The following ARFIP1 variants were observed in gnomAD, a reference collection of about 807,000 sequenced individuals.
ARFIP1 encodes the protein ARF interacting protein 1, also known as arfaptin-1.
ARFIP1 carries 24 observed loss-of-function variants against 42.5 expected under a neutral mutation model. The observed-to-expected ratio is 0.57, with a 90% CI of 0.41 to 0.80. The LOEUF is 0.80. Among genes scored for constraint, ARFIP1 ranks in the 30% least tolerant of loss-of-function variants. The pLI is 0.00. For synonymous variants in ARFIP1, 141 were observed against 153.7 expected (o/e 0.92, Z 0.61); for missense variants, 354 against 434.0 (o/e 0.82, Z 1.64).
chr4:152,902,438 G>C (rs892216673), intron 8 of ARFIP1, among the ~76,000 whole-genome samples: 1 of 152,134 alleles, frequency 6.6e-6, no homozygotes, highest in Admixed American at 6.5e-5. Context: ...GGGGATCAAG[G>C]CTGCAGTGAG....
chr4:152,864,875 C>T (rs1457067234), intron 3 of ARFIP1, among the ~76,000 whole-genome samples: 2 of 149,426 alleles, frequency 1.3e-5, no homozygotes, highest in East Asian at 2.0e-4. Context: ...AATATTGGCT[C>T]CTTTCTTAAT....
intron 3 of ARFIP1, among the ~76,000 whole-genome samples, chr4:152,867,089 G>C (rs1229902951): frequency 1.3e-5 from 2 of 151,962 alleles, no homozygotes; most frequent in Non-Finnish European, 2.9e-5. Context: ...CTTCCCAGAC[G>C]GGGTGGCGGC....
chr4:152,864,671 A>T (rs1734172680), intron 3 of ARFIP1, among the ~76,000 whole-genome samples: 1 of 152,246 alleles, frequency 6.6e-6, no homozygotes, highest in South Asian at 2.1e-4. Context: ...GAAGGAAAGC[A>T]GGTAAGCAGC....
intron 2 of ARFIP1, among the ~76,000 whole-genome samples, chr4:152,846,284 A>T (rs1732532047): frequency 6.6e-6 from 1 of 152,170 alleles, no homozygotes; most frequent in African/African-American, 2.4e-5. Flanking sequence ...TATCAATGGT[A>T]CCCCAAACCT....
intron 1 of ARFIP1, among the ~76,000 whole-genome samples, chr4:152,825,752 C>G (rs1177920235): frequency 6.6e-6 from 1 of 152,082 alleles, no homozygotes; most frequent in Admixed American, 6.5e-5. Context: ...AACAGACAAC[C>G]TACAGAATGG....
chr4:152,888,050 C>A, intron 7 of ARFIP1, 83 bp from the exon 8 acceptor site: 1 of 1,058,800 alleles, frequency 9.4e-7, no homozygotes, highest in Non-Finnish European at 1.4e-6. Flanking sequence ...TAGTATGAGA[C>A]TGAATATTAC....
chr4:152,783,698 G>A (rs1288882811), intron 1 of ARFIP1, among the ~76,000 whole-genome samples: 1 of 152,192 alleles, frequency 6.6e-6, no homozygotes, highest in East Asian at 1.9e-4. Flanking sequence ...ATCAGGTGTT[G>A]AGAAAAGGTT....
At chr4:152,845,741 T>C (rs1241199106) in intron 2 of ARFIP1, among the ~76,000 whole-genome samples, 1 of 152,174 alleles carries the variant, frequency 6.6e-6, no homozygotes, top group Admixed American at 6.5e-5. Flanking sequence ...ACTTATACAC[T>C]GTTGATGGGA....
At chr4:152,884,881 C>G (rs1185509684) in intron 7 of ARFIP1, among the ~76,000 whole-genome samples, 1 of 152,026 alleles carries the variant, frequency 6.6e-6, no homozygotes, top group East Asian at 1.9e-4. Context: ...TCATTTGGAA[C>G]TTTTGAACAA....
intron 8 of ARFIP1, among the ~76,000 whole-genome samples, chr4:152,894,020 C>G (rs1737089808): frequency 6.6e-6 from 1 of 151,910 alleles, no homozygotes; most frequent in African/African-American, 2.4e-5. Context: ...GAGTTTGAAA[C>G]CAGCCTGGCC....
intron 1 of ARFIP1, chr4:152,795,982 T>C: frequency 3.8e-6 from 2 of 521,158 alleles, no homozygotes; most frequent in Non-Finnish European, 7.2e-6. Context: ...TATAGCTGTT[T>C]GGTAGTACTC....
At chr4:152,799,970 T>G (rs1731701686) in intron 1 of ARFIP1, among the ~76,000 whole-genome samples, 1 of 152,194 alleles carries the variant, frequency 6.6e-6, no homozygotes, top group African/African-American at 2.4e-5. Flanking sequence ...AGCAATTGAT[T>G]GTTCATACTT....
At chr4:152,906,378 CTT>C (rs1028123427) in intron 8 of ARFIP1, among the ~76,000 whole-genome samples, 2 of 152,220 alleles carry the variant, frequency 1.3e-5, no homozygotes, top group Non-Finnish European at 2.9e-5. Context: ...CTCTCACAGT[CTT>C]TGCCATTTCG....
In ARFIP1 at chr4:152,910,102, T is replaced by C; in HGVS notation, c.1005T>C (p.Asn335=). The change falls in exon 9 of 9, where the codon AAT becomes AAC. Residue 335 remains asparagine (N), a synonymous_variant. Coordinates refer to ENST00000353617, the MANE Select transcript of ARFIP1 (RefSeq NM_001025595.3). ...VLHNQLVLFH[N]AIAAYFAGNQ... Reference sequence around the variant, plus strand: ...ACAATCAGCTGGTCCTTTTCCACAATGCCATTGCCGCTTACTTTGCTGGGA... The same window carrying C: ...ACAATCAGCTGGTCCTTTTCCACAACGCCATTGCCGCTTACTTTGCTGGGA... The C allele has an allele frequency of 6.2e-7, 1 of 1,614,226 alleles. No homozygotes were observed. Among genetic ancestry groups the C allele is most frequent in the Non-Finnish European group, 8.5e-7 (1 of 1,180,026 alleles).
At chr4:152,863,171 A>C (rs1734027920) in intron 2 of ARFIP1, among the ~76,000 whole-genome samples, 1 of 152,202 alleles carries the variant, frequency 6.6e-6, no homozygotes, top group Non-Finnish European at 1.5e-5. Context: ...AATGGAAGGG[A>C]AATTAACATG....
At chr4:152,835,506 T>A (rs1393519514) in intron 2 of ARFIP1, among the ~76,000 whole-genome samples, 1 of 152,230 alleles carries the variant, frequency 6.6e-6, no homozygotes, top group Non-Finnish European at 1.5e-5. Flanking sequence ...CTTGTCAGCC[T>A]GGACTTCACT....
chr4:152,783,570 A>G lies in ARFIP1; in HGVS notation c.-10+3344A>G, dbSNP rs573403840. Among the ~76,000 whole-genome samples, 3 of 152,322 alleles carry G rather than the reference A, an allele frequency of 2.0e-5. No homozygotes were observed. The South Asian group carries it at 6.2e-4, about 32-fold the overall frequency. On this transcript the variant is annotated intron_variant, in intron 1 of 8. Coordinates refer to ENST00000353617, the MANE Select transcript of ARFIP1 (RefSeq NM_001025595.3). ...AGTCTGCTCAGAATTGCGCTGGTGG[A>G]GCCAGTGCATGGCTCCACCTACGTT...
chr4:152,877,227 C>G (rs1735431819), intron 5 of ARFIP1, among the ~76,000 whole-genome samples: 1 of 152,170 alleles, frequency 6.6e-6, no homozygotes, highest in Non-Finnish European at 1.5e-5. Context: ...CCCATGAGAG[C>G]AGCTGGGAGG....
At chr4:152,803,314 C>T (rs1728569370) in intron 1 of ARFIP1, among the ~76,000 whole-genome samples, 1 of 152,088 alleles carries the variant, frequency 6.6e-6, no homozygotes, top group Non-Finnish European at 1.5e-5. Context: ...GTGAAAAGAC[C>T]CATAGGGCCT....
Sources: allele counts gnomAD v4.1 joint callset (sites outside exome capture counted in the v4.1 genomes callset), GRCh38; gene constraint gnomAD v4.1.1; transcripts MANE v1.5; gene names NCBI Gene and HGNC (gene_info 2026-07-23, HGNC 2026-07-21).